The following ARL15 variants were observed in gnomAD, a reference collection of about 807,000 sequenced individuals.
ARL15 encodes the protein ADP-ribosylation factor-like protein 15.
In ARL15, 19 loss-of-function variants were observed where a neutral mutation model predicts 25.2. The ratio of observed to expected loss-of-function variants is 0.75; its 90% confidence interval spans 0.53 to 1.10. The LOEUF is 1.10. ARL15 is among the 50% of genes least tolerant of loss of function. The probability of loss-of-function intolerance (pLI) is 0.00; values close to 1 mark genes in which losing one functional copy is unlikely to be tolerated. For missense variants in ARL15, 220 were observed against 246.0 expected (o/e 0.89, Z 0.71); for synonymous variants, 94 against 86.8 (o/e 1.08, Z -0.46).
At chr5:53,961,041 A>G (rs1055276438) in intron 4 of ARL15, among the ~76,000 whole-genome samples, 7 of 152,130 alleles carry the variant, frequency 4.6e-5, no homozygotes, top group Non-Finnish European at 8.8e-5. Flanking sequence ...TAGTTTCTCT[A>G]TCTACATCCA....
At position 53,919,303 on chromosome 5, in the gene ARL15, A is replaced by T. The variant is rs148948678; in HGVS notation, c.463-32590T>A. On this transcript the variant is annotated intron_variant, in intron 4 of 4. Coordinates refer to ENST00000504924, the MANE Select transcript of ARL15 (RefSeq NM_019087.3). ...ATCAGATTTTCTCAACTTGGAAGGA[A>T]TTAGGGAAGCCATTGAAATGAATGC... 7.2e-3 allele frequency among the ~76,000 whole-genome samples: 1,104 copies of T among 152,290 alleles called. 19 individuals carry two copies. Among genetic ancestry groups the T allele is most frequent in the African/African-American group, 0.025 (1,051 of 41,540 alleles).
At chr5:54,187,953 A>G (rs544624423) in intron 1 of ARL15, among the ~76,000 whole-genome samples, 3 of 151,358 alleles carry the variant, frequency 2.0e-5, no homozygotes, top group Non-Finnish European at 4.4e-5. Flanking sequence ...ATAGACAGAA[A>G]CTCCTTAAGG....
chr5:54,105,025 C>T (rs762050916), intron 4 of ARL15, among the ~76,000 whole-genome samples: 2 of 151,390 alleles, frequency 1.3e-5, no homozygotes, highest in Admixed American at 6.6e-5. Context: ...TATTTTAAAG[C>T]AGACACTATG....
At chr5:54,167,497 T>C (rs1342807270) in intron 2 of ARL15, among the ~76,000 whole-genome samples, 2 of 152,154 alleles carry the variant, frequency 1.3e-5, no homozygotes, top group Non-Finnish European at 2.9e-5. Flanking sequence ...GGCTTGAAAA[T>C]TGTTGCTTTG....
At chr5:54,136,506 TA>T (rs1020033145) in intron 3 of ARL15, among the ~76,000 whole-genome samples, 1 of 152,054 alleles carries the variant, frequency 6.6e-6, no homozygotes, top group African/African-American at 2.4e-5. Flanking sequence ...GCATTCAAAT[TA>T]AAACCATGAA....
chr5:54,200,016 T>C (rs1001341036), intron 1 of ARL15, among the ~76,000 whole-genome samples: 1 of 150,970 alleles, frequency 6.6e-6, no homozygotes, highest in African/African-American at 2.4e-5. Context: ...AAATTGGAAA[T>C]CATCACTCTC....
chr5:54,302,254 T>C (rs911238422), intron 1 of ARL15, among the ~76,000 whole-genome samples: 30 of 152,272 alleles, frequency 2.0e-4, no homozygotes, highest in Non-Finnish European at 3.4e-4. Context: ...TTATTAATTA[T>C]AATAGTTAAG....
intron 4 of ARL15, among the ~76,000 whole-genome samples, chr5:54,096,351 ATAT>A (rs1752286920): frequency 6.6e-6 from 1 of 152,184 alleles, no homozygotes; most frequent in Non-Finnish European, 1.5e-5. Flanking sequence ...TGTGCAAAAA[ATAT>A]TGTTTGAAGA....
At chr5:54,107,329 C>T (rs552268705) in intron 4 of ARL15, among the ~76,000 whole-genome samples, 2 of 152,090 alleles carry the variant, frequency 1.3e-5, no homozygotes, top group South Asian at 4.2e-4. Context: ...AGGGGTTTTC[C>T]TAGTGAATTA....
intron 4 of ARL15, among the ~76,000 whole-genome samples, chr5:54,009,933 G>A (rs578084874): frequency 1.1e-4 from 16 of 152,128 alleles, no homozygotes; most frequent in Admixed American, 9.2e-4. Context: ...TGGAGGTGAG[G>A]TGAGAGAAAG....
At chr5:54,020,146 A>G (rs2111832550) in intron 4 of ARL15, among the ~76,000 whole-genome samples, 1 of 152,376 alleles carries the variant, frequency 6.6e-6, no homozygotes, top group South Asian at 2.1e-4. Context: ...GATTTTAAAA[A>G]TCAGTGGTGA....
intron 4 of ARL15, among the ~76,000 whole-genome samples, chr5:54,075,109 A>T (rs1269338605): frequency 7.0e-6 from 1 of 143,874 alleles, no homozygotes; most frequent in Non-Finnish European, 1.5e-5. Context: ...GCCTATCATT[A>T]TACTGTATTA....
chr5:54,142,239 A>AT (rs1456206035), intron 3 of ARL15, among the ~76,000 whole-genome samples: 3 of 152,088 alleles, frequency 2.0e-5, no homozygotes, highest in African/African-American at 4.8e-5. Flanking sequence ...TGTAGGCTCC[A>AT]TTTTTTTCTA....
intron 4 of ARL15, among the ~76,000 whole-genome samples, chr5:54,039,806 A>T (rs1202672504): frequency 2.0e-5 from 3 of 150,552 alleles, no homozygotes; most frequent in Admixed American, 6.6e-5. Context: ...TGTCTAAAAA[A>T]AAAAAAAAAA....
chr5:53,941,865 C>A (rs1746550241), intron 4 of ARL15, among the ~76,000 whole-genome samples: 1 of 152,046 alleles, frequency 6.6e-6, no homozygotes, highest in Non-Finnish European at 1.5e-5. Context: ...CTGTCTCCAG[C>A]AGTAGAAAAG....
intron 3 of ARL15, among the ~76,000 whole-genome samples, chr5:54,150,755 A>ATT (rs1754040810): frequency 6.6e-6 from 1 of 151,694 alleles, no homozygotes. Flanking sequence ...CCGAGATTGC[A>ATT]CCACTGCATT....
chr5:53,886,375 G>A lies in ARL15; in HGVS notation c.*186C>T, dbSNP rs1034463366. 5 of 617,108 alleles carry A rather than the reference G, an allele frequency of 8.1e-6. No homozygotes were observed. The highest frequency in any genetic ancestry group is 2.9e-5 in the East Asian group (1 of 34,410). The allele number at this position is 617,108 out of a possible 1,614,324, so 38.2% of individuals were successfully genotyped here. ...TCTCTCTCAGTAGTGTGTACTTGAC[G>A]TTAATGCCGATGATAATTCATCTGA... is the stretch of plus-strand genomic sequence containing the variant. On this transcript the variant is annotated 3_prime_UTR_variant, in exon 5 of 5. Coordinates refer to ENST00000504924, the MANE Select transcript of ARL15 (RefSeq NM_019087.3).
chr5:54,109,653 T>C (rs1752687415), intron 4 of ARL15, among the ~76,000 whole-genome samples: 1 of 152,018 alleles, frequency 6.6e-6, no homozygotes, highest in South Asian at 2.1e-4. Flanking sequence ...ACAATTACAA[T>C]TCAATACAAA....
chr5:54,002,886 G>T (rs79760705), intron 4 of ARL15, among the ~76,000 whole-genome samples: 12,711 of 152,164 alleles, frequency 0.084, 667 homozygotes, highest in Non-Finnish European at 0.11. Context: ...TACCCAGAGT[G>T]GTTTCTATTG....
Sources: allele counts gnomAD v4.1 joint callset (sites outside exome capture counted in the v4.1 genomes callset), GRCh38; gene constraint gnomAD v4.1.1; transcripts MANE v1.5; gene names NCBI Gene and HGNC (gene_info 2026-07-23, HGNC 2026-07-21).